THTPA: variants seen among roughly 807,000 people sequenced by gnomAD.
The protein encoded by THTPA is thiamine-triphosphatase.
In THTPA, 16 loss-of-function variants were observed where a neutral mutation model predicts 16.5. That is an observed-to-expected ratio of 0.97 (90% CI 0.66 to 1.47). The LOEUF (loss-of-function observed/expected upper bound fraction) is 1.47, where lower values mean the gene tolerates loss of function less well. THTPA is among the 40% of genes most tolerant of loss of function. The probability of loss-of-function intolerance (pLI) is 0.00; values close to 1 mark genes in which losing one functional copy is unlikely to be tolerated. For synonymous variants in THTPA, 110 were observed against 115.5 expected, an observed-to-expected ratio of 0.95 and a Z score of 0.30; for missense variants, 281 against 280.9, an observed-to-expected ratio of 1.00 and a Z score of 0.00.
chr14:23,546,877 G>A, the THTPA span, among the ~76,000 whole-genome samples: 1 of 151,990 alleles, frequency 6.6e-6, no homozygotes, highest in African/African-American at 2.4e-5. This position sits in a 1 kb window ranked among gnomAD's most constrained non-coding sequence, Gnocchi z 4.7. Flanking sequence ...CAGGCCCCCC[G>A]CCCACCAGCC....
the THTPA span, among the ~76,000 whole-genome samples, chr14:23,542,474 T>C: frequency 1.3e-5 from 2 of 152,078 alleles, no homozygotes; most frequent in African/African-American, 4.8e-5. Flanking sequence ...ACTTGGAAAG[T>C]GTTGGATGTG....
At chr14:23,526,035 C>T in the THTPA span, 4 of 1,536,202 alleles carry the variant, frequency 2.6e-6, no homozygotes, top group Non-Finnish European at 3.5e-6. Flanking sequence ...GTGCCCACCT[C>T]CCCCTCTGTC....
chr14:23,544,121 G>A, the THTPA span: 1 of 152,004 alleles, frequency 6.6e-6, no homozygotes, highest in African/African-American at 2.4e-5. Flanking sequence ...CGGGCGTGGT[G>A]GCATGCACCT....
the THTPA span, among the ~76,000 whole-genome samples, chr14:23,538,286 C>T: frequency 6.6e-6 from 1 of 152,118 alleles, no homozygotes; most frequent in Non-Finnish European, 1.5e-5. Context: ...ATTTCAATTG[C>T]AAATATATCT....
the THTPA span, among the ~76,000 whole-genome samples, chr14:23,541,556 G>C: frequency 6.6e-6 from 1 of 152,080 alleles, no homozygotes; most frequent in African/African-American, 2.4e-5. Context: ...CAAAGTGCTG[G>C]GATTACAGGC....
At chr14:23,522,235 GC>G in the THTPA span, 1 of 1,475,288 alleles carries the variant, frequency 6.8e-7, no homozygotes, top group Admixed American at 2.3e-5. Flanking sequence ...GTGGCATGGA[GC>G]CCCCAGAGCC....
chr14:23,519,545 A>G, the THTPA span, among the ~76,000 whole-genome samples: 9 of 152,208 alleles, frequency 5.9e-5, no homozygotes, highest in Middle Eastern at 6.8e-3. Context: ...TGTTGCCTAG[A>G]TCTGTGACTG....
the THTPA span, among the ~76,000 whole-genome samples, chr14:23,544,739 C>T: frequency 1.3e-5 from 2 of 152,196 alleles, no homozygotes; most frequent in African/African-American, 4.8e-5. Flanking sequence ...TGGCGCTAAC[C>T]TCATTTCACA....
the THTPA span, chr14:23,524,210 C>T: frequency 1.1e-5 from 17 of 1,536,366 alleles, no homozygotes; most frequent in East Asian, 2.4e-5. The surrounding 1 kb of genome is among the most constrained non-coding windows in gnomAD (Gnocchi z 5.6). Context: ...TTTCCTCTCC[C>T]GGGCCCTGGT....
the THTPA span, among the ~76,000 whole-genome samples, chr14:23,519,023 G>A: frequency 1.3e-5 from 2 of 151,930 alleles, no homozygotes; most frequent in South Asian, 2.1e-4. Context: ...GAGTCAGCCC[G>A]GCTCTTTTGC....
chr14:23,535,791 C>T, the THTPA span, among the ~76,000 whole-genome samples: 1 of 152,044 alleles, frequency 6.6e-6, no homozygotes, highest in African/African-American at 2.4e-5. The surrounding 1 kb of genome is among the most constrained non-coding windows in gnomAD (Gnocchi z 4.5). Context: ...GGGGTTTCTC[C>T]GTGTTGGTCA....
At chr14:23,522,104 G>A in the THTPA span, 8 of 1,535,282 alleles carry the variant, frequency 5.2e-6, no homozygotes, top group Admixed American at 3.9e-5. Context: ...GCCCCCTTGA[G>A]GTGGGGCTGC....
the THTPA span, chr14:23,543,142 A>G: frequency 6.6e-6 from 1 of 152,262 alleles, no homozygotes; most frequent in Non-Finnish European, 1.5e-5. Context: ...ACTAATTGTA[A>G]TAATAGTAAA....
the THTPA span, chr14:23,524,540 G>T: frequency 4.1e-5 from 62 of 1,527,256 alleles, no homozygotes; most frequent in African/African-American, 5.5e-5. The surrounding 1 kb of genome is among the most constrained non-coding windows in gnomAD (Gnocchi z 5.6). Flanking sequence ...GAGTTGGGGG[G>T]GAGCACTGGG....
chr14:23,519,527 TTCTC>T, the THTPA span, among the ~76,000 whole-genome samples: 1 of 152,200 alleles, frequency 6.6e-6, no homozygotes, highest in South Asian at 2.1e-4. Context: ...GGTGGCCAGT[TTCTC>T]TCCTGTTGCC....
Position 23,556,726 on chromosome 14 carries a change from A to G in THTPA, c.-32A>G. On this transcript the variant is annotated 5_prime_UTR_variant, in exon 1 of 2. Coordinates refer to ENST00000288014, the MANE Select transcript of THTPA (RefSeq NM_024328.6). ...CCAGGCTTTGCATCCTTGGGAACTC[A>G]GCAAACGTTTGTTCAGCCAATTGCA... is the stretch of plus-strand genomic sequence containing the variant. The G allele has an allele frequency of 6.3e-7, 1 of 1,595,394 alleles. No homozygotes were observed. Among genetic ancestry groups the G allele is most frequent in the Non-Finnish European group, 8.5e-7 (1 of 1,171,052 alleles).
chr14:23,512,285 C>T, the THTPA span, among the ~76,000 whole-genome samples: 1 of 151,882 alleles, frequency 6.6e-6, no homozygotes, highest in Non-Finnish European at 1.5e-5. Context: ...CAGTGCCCAC[C>T]GCCATGGATG....
chr14:23,512,344 A>C, the THTPA span, among the ~76,000 whole-genome samples: 69 of 152,028 alleles, frequency 4.5e-4, no homozygotes, highest in African/African-American at 1.6e-3. Context: ...CACAAAAAGG[A>C]AAGGGTGATC....
the THTPA span, among the ~76,000 whole-genome samples, chr14:23,536,519 C>T: frequency 6.6e-6 from 1 of 152,116 alleles, no homozygotes; most frequent in African/African-American, 2.4e-5. Flanking sequence ...CCTCTTCCTC[C>T]CAAAAGAGGT....
Sources: gnomAD v4.1 joint callset for allele counts (sites outside exome capture counted in the v4.1 genomes callset) on GRCh38, gnomAD v4.1.1 for gene constraint, Gnocchi (gnomAD v3.1) non-coding constraint, MANE v1.5 for transcripts, NCBI Gene and HGNC (gene_info 2026-07-23, HGNC 2026-07-21) for gene names.